The following HIGD1A variants were observed in gnomAD, a reference collection of about 807,000 sequenced individuals.
HIGD1A encodes the protein HIG1 domain family member 1A, mitochondrial.
HIGD1A carries 8 observed loss-of-function variants against 11.3 expected under a neutral mutation model. The observed-to-expected ratio is 0.71, with a 90% confidence interval of 0.42 to 1.28. The LOEUF (loss-of-function observed/expected upper bound fraction) is 1.28, where lower values mean the gene tolerates loss of function less well. Ranked by LOEUF, HIGD1A falls within the 50% of genes most tolerant of loss-of-function variation. HIGD1A has a pLI of 0.01. For synonymous variants in HIGD1A, 32 were observed against 38.4 expected (o/e 0.83, Z 0.62); for missense variants, 107 against 118.8 (o/e 0.90, Z 0.46).
At chr3:42,794,505 C>T (rs1427783652) in intron 1 of HIGD1A, among the ~76,000 whole-genome samples, 1 of 152,142 alleles carries the variant, frequency 6.6e-6, no homozygotes, top group East Asian at 1.9e-4. Flanking sequence ...TTCCCCTGTA[C>T]AACCCATTCA....
chr3:42,790,207 G>A (rs1041423896), intron 2 of HIGD1A, among the ~76,000 whole-genome samples: 2 of 152,298 alleles, frequency 1.3e-5, no homozygotes, highest in Admixed American at 6.5e-5. Flanking sequence ...TCATCTAACT[G>A]TGTGTATAGG....
intron 2 of HIGD1A, among the ~76,000 whole-genome samples, chr3:42,790,574 G>T (rs1480944875): frequency 1.3e-5 from 2 of 152,096 alleles, no homozygotes; most frequent in Non-Finnish European, 2.9e-5. Context: ...TAAGAAAAAA[G>T]ATTACTTTGA....
Position 42,786,179 on chromosome 3 carries a change from C to T in HIGD1A, c.98-17G>A, listed in dbSNP as rs1444552034. On this transcript the variant is annotated splice_polypyrimidine_tract_variant and intron_variant, in intron 2 of 3. Coordinates refer to ENST00000321331, the MANE Select transcript of HIGD1A (RefSeq NM_014056.4). Reference sequence around the variant, plus strand: ...CCGCTATTCCTGTAAAACAAAGTAACAAGTATGTCAGATGCATGAGAAGGG... The same window carrying T: ...CCGCTATTCCTGTAAAACAAAGTAATAAGTATGTCAGATGCATGAGAAGGG... The T allele has an allele frequency of 6.2e-7, 1 of 1,613,626 alleles. No individual in the cohort carries two copies. Among genetic ancestry groups the T allele is most frequent in the African/African-American group, 1.3e-5 (1 of 74,912 alleles).
At position 42,783,011 on chromosome 3, in the gene HIGD1A, T is replaced by C. The variant is rs879530714; in HGVS notation, c.*2260A>G. Among the ~76,000 whole-genome samples the C allele has an allele frequency of 1.5e-4, 23 of 152,364 alleles. No homozygotes were observed. Among genetic ancestry groups the C allele is most frequent in the Non-Finnish European group, 2.5e-4 (17 of 68,028 alleles). On this transcript the variant is annotated 3_prime_UTR_variant, in exon 4 of 4. Coordinates refer to ENST00000321331, the MANE Select transcript of HIGD1A (RefSeq NM_014056.4). ...GTGTAAAGGCTACAGATAAACATAT[T>C]TGACATGGCAAAAATTTAGGGAAAT...
At chr3:42,789,892 T>A (rs1700400168) in intron 2 of HIGD1A, among the ~76,000 whole-genome samples, 1 of 152,060 alleles carries the variant, frequency 6.6e-6, no homozygotes, top group South Asian at 2.1e-4. Flanking sequence ...AGCTAATTTT[T>A]AAATTTTTTT....
At chr3:42,786,238 T>G in intron 2 of HIGD1A, 76 bp from the exon 3 acceptor site, 5 of 1,440,426 alleles carry the variant, frequency 3.5e-6, no homozygotes, top group Non-Finnish European at 4.8e-6. Flanking sequence ...CAATGTACAT[T>G]CTATTATTTT....
chr3:42,801,594 A>T (rs1436498101), intron 1 of HIGD1A, among the ~76,000 whole-genome samples: 1 of 152,236 alleles, frequency 6.6e-6, no homozygotes, highest in Non-Finnish European at 1.5e-5. Context: ...AGTACAAAAA[A>T]ATAACAATCA....
At chr3:42,803,481 C>A (rs1411207997) in intron 1 of HIGD1A, among the ~76,000 whole-genome samples, 1 of 152,190 alleles carries the variant, frequency 6.6e-6, no homozygotes, top group African/African-American at 2.4e-5. Context: ...TTAAGAAGCC[C>A]CTTCAAGTGA....
intron 1 of HIGD1A, among the ~76,000 whole-genome samples, chr3:42,796,392 A>C (rs1700499429): frequency 6.6e-6 from 1 of 152,112 alleles, no homozygotes; most frequent in Non-Finnish European, 1.5e-5. Context: ...TGAATAATAC[A>C]ATATAAACAC....
chr3:42,788,206 T>C (rs184976869), intron 2 of HIGD1A, among the ~76,000 whole-genome samples: 7 of 152,282 alleles, frequency 4.6e-5, no homozygotes, highest in Admixed American at 3.3e-4. Context: ...ACATACGACA[T>C]TAGGAATGAG....
At chr3:42,802,083 A>G (rs1303673501) in intron 1 of HIGD1A, among the ~76,000 whole-genome samples, 1 of 152,226 alleles carries the variant, frequency 6.6e-6, no homozygotes, top group African/African-American at 2.4e-5. Flanking sequence ...AAAAATAGCA[A>G]GAAAGTTGGT....
chr3:42,793,841 G>A (rs1482865061), intron 2 of HIGD1A, among the ~76,000 whole-genome samples: 2 of 152,130 alleles, frequency 1.3e-5, no homozygotes, highest in Non-Finnish European at 2.9e-5. Context: ...GCGTGGTGGT[G>A]CACACCTGTG....
In HIGD1A at chr3:42,786,038, T is replaced by G; in HGVS notation, c.222A>C (p.Ala74=). Residue 74 remains alanine, a synonymous_variant, in exon 3 of 4, where the codon GCA becomes GCC. Coordinates refer to ENST00000321331, the MANE Select transcript of HIGD1A (RefSeq NM_014056.4). ...RVAAQGFVVG[A]MTVGMGYSMY... Reference sequence around the variant, plus strand: ...CCTATAGGAACCTACCAACAGTCATTGCTCCTACAACAAAGCCTTGGGCTG... The same window carrying G: ...CCTATAGGAACCTACCAACAGTCATGGCTCCTACAACAAAGCCTTGGGCTG... The G allele has an allele frequency of 6.2e-7, 1 of 1,612,590 alleles. No homozygotes were observed.
intron 1 of HIGD1A, among the ~76,000 whole-genome samples, chr3:42,800,852 C>T (rs1165318145): frequency 2.0e-5 from 3 of 151,954 alleles, no homozygotes; most frequent in African/African-American, 7.3e-5. Context: ...AAAGTATCTC[C>T]GTTTATTCTG....
intron 1 of HIGD1A, among the ~76,000 whole-genome samples, chr3:42,798,550 G>A (rs1575364154): frequency 3.4e-4 from 1 of 2,916 alleles, no homozygotes; most frequent in African/African-American, 3.8e-4. Context: ...GCCTCTGCCC[G>A]GCCGCCCCTA....
rs763649532 is a variant in HIGD1A, at chr3:42,795,174, C to A, written c.-22-899G>T. ...GATCCACCCACCTCAGCCTCCCAAA[C>A]TGCTGGGATTACAGGTGTGAGCCAC... On this transcript the variant is annotated intron_variant, in intron 1 of 3. Coordinates refer to ENST00000321331, the MANE Select transcript of HIGD1A (RefSeq NM_014056.4). 2.0e-5 allele frequency among the ~76,000 whole-genome samples: 3 copies of A among 149,302 alleles called. No individual in the cohort carries two copies. In the South Asian group the frequency reaches 6.3e-4, roughly 31 times the overall value.
At chr3:42,802,043 C>G (rs1700571419) in intron 1 of HIGD1A, among the ~76,000 whole-genome samples, 1 of 151,974 alleles carries the variant, frequency 6.6e-6, no homozygotes, top group South Asian at 2.1e-4. Flanking sequence ...ACCCAACAAA[C>G]AAACAAAAAC....
intron 1 of HIGD1A, among the ~76,000 whole-genome samples, chr3:42,799,951 C>A (rs1700536101): frequency 6.6e-6 from 1 of 152,152 alleles, no homozygotes; most frequent in Admixed American, 6.5e-5. Context: ...TTTGAAGAAA[C>A]TGCATAAATG....
rs548621381 is a variant in HIGD1A, at chr3:42,788,896, A to C, written c.98-2734T>G. On this transcript the variant is annotated intron_variant, in intron 2 of 3. Transcript: ENST00000321331. ...GTCTCCAAAAACTAAAAAATAAAAA[A>C]AAAAGCCATGAGAAGAGAATTACAA... Among the ~76,000 whole-genome samples, 6 of 152,166 alleles carry C rather than the reference A, an allele frequency of 3.9e-5. No homozygotes were observed. The South Asian group carries it at 1.2e-3, about 32-fold the overall frequency.
Sources: gnomAD v4.1 joint callset for allele counts (sites outside exome capture counted in the v4.1 genomes callset) on GRCh38, gnomAD v4.1.1 for gene constraint, MANE v1.5 for transcripts, NCBI Gene and HGNC (gene_info 2026-07-23, HGNC 2026-07-21) for gene names.